The following KALRN variants were observed in gnomAD, a reference collection of about 807,000 sequenced individuals.
KALRN encodes the protein kalirin RhoGEF kinase.
A neutral mutation model predicts 353.7 loss-of-function variants in KALRN; 70 were observed. The ratio of observed to expected loss-of-function variants is 0.20; its 90% CI spans 0.16 to 0.24. The LOEUF is 0.24. KALRN is among the 10% of genes least tolerant of loss of function. The probability of loss-of-function intolerance (pLI) is 1.00; values close to 1 mark genes in which losing one functional copy is unlikely to be tolerated. For synonymous variants in KALRN, 1,391 were observed against 1,434.8 expected (o/e 0.97, Z 0.69); for missense variants, 2,791 against 3,756.7 (o/e 0.74, Z 6.72).
At chr3:124,573,134 G>A (rs1008777384) in intron 34 of KALRN, among the ~76,000 whole-genome samples, 10 of 152,272 alleles carry the variant, frequency 6.6e-5, no homozygotes, top group African/African-American at 1.7e-4. Flanking sequence ...GAAATAAGCC[G>A]GATGTGATCA....
chr3:124,111,936 T>G (rs2063015621), intron 1 of KALRN, among the ~76,000 whole-genome samples: 1 of 152,326 alleles, frequency 6.6e-6, no homozygotes, highest in East Asian at 1.9e-4. Context: ...ATGATTCCAC[T>G]GAATGAGCTG....
chr3:124,295,838 G>A (rs920693880), intron 5 of KALRN, among the ~76,000 whole-genome samples: 4 of 152,156 alleles, frequency 2.6e-5, no homozygotes, highest in Admixed American at 1.3e-4. Flanking sequence ...CTAAATTCCT[G>A]TCTTCTTTTC....
chr3:124,346,985 C>A (rs1454447847), intron 9 of KALRN, among the ~76,000 whole-genome samples, 158 bp from the exon 10 acceptor site: 1 of 152,112 alleles, frequency 6.6e-6, no homozygotes, highest in Non-Finnish European at 1.5e-5. Flanking sequence ...GTAATGAAAT[C>A]CCATGGACTC....
intron 3 of KALRN, among the ~76,000 whole-genome samples, chr3:124,256,511 A>C (rs557751587): frequency 1.3e-5 from 2 of 152,198 alleles, no homozygotes; most frequent in Non-Finnish European, 2.9e-5. Context: ...AACTTTACAG[A>C]CAACAACAAC....
At chr3:124,152,593 CTTTT>C (rs58613752) in intron 1 of KALRN, 184 of 56,436 alleles carry the variant, frequency 3.3e-3, no homozygotes, top group East Asian at 6.6e-3. Flanking sequence ...TTCTTTCTTT[CTTTT>C]TTTTTTTTTT....
chr3:124,442,022 C>A lies in KALRN; in HGVS notation c.3276C>A (p.Val1092=). ...IHRNNVSMPS[V]ASHTRGPEQQ... ...GGAACAACGTCAGCATGCCCAGTGTCGCCAGCCACACTCGGGGACCCGAGC... is the reference window on the plus strand; with the variant it reads ...GGAACAACGTCAGCATGCCCAGTGTAGCCAGCCACACTCGGGGACCCGAGC... Residue 1092 remains valine, a synonymous_variant, in exon 19 of 60, where the codon GTC becomes GTA. Coordinates refer to ENST00000682506, the MANE Select transcript of KALRN (RefSeq NM_001388419.1). 6.2e-7 allele frequency: 1 copy of A among 1,606,230 alleles called. No individual in the cohort carries two copies. The highest frequency in any genetic ancestry group is 8.5e-7 in the Non-Finnish European group (1 of 1,174,342).
intron 5 of KALRN, among the ~76,000 whole-genome samples, chr3:124,289,221 C>G (rs2076214695): frequency 6.6e-6 from 1 of 152,108 alleles, no homozygotes; most frequent in African/African-American, 2.4e-5. Flanking sequence ...TCCTAATTAC[C>G]TCCCAAAGGC....
intron 1 of KALRN, among the ~76,000 whole-genome samples, chr3:124,115,833 C>A (rs1185893383): frequency 6.6e-6 from 1 of 152,082 alleles, no homozygotes; most frequent in Non-Finnish European, 1.5e-5. Flanking sequence ...TCATAAATAC[C>A]AGAAGCTTCA....
chr3:124,719,127 T>C lies in KALRN; in HGVS notation c.8618T>C (p.Met2873Thr). 6.2e-7 allele frequency: 1 copy of C among 1,614,262 alleles called. No individual in the cohort carries two copies. The highest frequency in any genetic ancestry group is 8.5e-7 in the Non-Finnish European group (1 of 1,180,038). The part of the protein sequence containing the change: ...IWSIGVLTYV[M>T]LSGVSPFLDE... ...AGCATCGGGGTTCTGACATATGTCA[T>C]GCTGAGTGGGGTCTCCCCCTTCTTG... The change falls in exon 60 of 60, where the codon ATG becomes ACG. Residue 2873 changes from methionine to threonine, a missense_variant. By Grantham distance (81) the Met-to-Thr change is moderately conservative (BLOSUM62 -1). Coordinates refer to ENST00000682506, the MANE Select transcript of KALRN (RefSeq NM_001388419.1). This position sits in a 1 kb window ranked among gnomAD's most constrained non-coding sequence, Gnocchi z 5.3.
At chr3:124,586,843 G>A (rs1380403659) in intron 34 of KALRN, among the ~76,000 whole-genome samples, 1 of 152,180 alleles carries the variant, frequency 6.6e-6, no homozygotes, top group African/African-American at 2.4e-5. Flanking sequence ...GGTGGGGGAG[G>A]TGAGTTAGCC....
intron 15 of KALRN, among the ~76,000 whole-genome samples, chr3:124,428,104 G>C (rs1345243547): frequency 6.6e-6 from 1 of 152,058 alleles, no homozygotes; most frequent in East Asian, 1.9e-4. Context: ...ATATTTGTAT[G>C]CTCACAGAAG....
chr3:124,284,144 A>G (rs774923222), intron 5 of KALRN, among the ~76,000 whole-genome samples: 1 of 152,200 alleles, frequency 6.6e-6, no homozygotes, highest in Non-Finnish European at 1.5e-5. Context: ...TTTTTGTTCT[A>G]TGAGATCAAG....
intron 1 of KALRN, among the ~76,000 whole-genome samples, chr3:124,157,873 G>A (rs754527210): frequency 6.6e-6 from 1 of 152,152 alleles, no homozygotes; most frequent in African/African-American, 2.4e-5. Flanking sequence ...CCCTGCGAAT[G>A]CCCCTGGTCC....
Position 124,666,575 on chromosome 3 carries a change from A to G in KALRN, c.6472A>G (p.Ser2158Gly). Reference sequence around the variant, plus strand: ...CCTCTTCGAGCAGATTGTCATCTTCAGTGAACTGCTCAGGAAGGGATCCCT... The same window carrying G: ...CCTCTTCGAGCAGATTGTCATCTTCGGTGAACTGCTCAGGAAGGGATCCCT... ...VFLFEQIVIF[S>G]ELLRKGSLTP... is the part of the protein sequence containing the mutation. Residue 2158 changes from serine to glycine, a missense_variant, in exon 46 of 60, where the codon AGT (serine) becomes GGT (glycine). Coordinates refer to ENST00000682506, the MANE Select transcript of KALRN (RefSeq NM_001388419.1). The G allele has an allele frequency of 6.2e-7, 1 of 1,614,092 alleles. No individual in the cohort carries two copies. Among genetic ancestry groups the G allele is most frequent in the Non-Finnish European group, 8.5e-7 (1 of 1,179,952 alleles).
At chr3:124,268,704 A>G in intron 4 of KALRN, 39 bp from the exon 5 acceptor site, 2 of 1,603,320 alleles carry the variant, frequency 1.2e-6, no homozygotes, top group Non-Finnish European at 1.7e-6. Flanking sequence ...TCTTCCCCTG[A>G]CATCACTGAG....
At chr3:124,604,321 A>G (rs333243) in intron 34 of KALRN, among the ~76,000 whole-genome samples, 98,161 of 151,930 alleles carry the variant, frequency 0.65, 32,483 homozygotes, top group East Asian at 0.83. Flanking sequence ...TATGCCTTGG[A>G]TAGTGTATTC....
chr3:124,445,990 A>C (rs577910783), intron 19 of KALRN, among the ~76,000 whole-genome samples, 171 bp from the exon 20 acceptor site: 1 of 152,284 alleles, frequency 6.6e-6, no homozygotes, highest in South Asian at 2.1e-4. Flanking sequence ...GTTTCTAGGA[A>C]ATCCTTTCTG....
At chr3:124,548,572 T>C (rs570006087) in intron 33 of KALRN, among the ~76,000 whole-genome samples, 40 of 152,244 alleles carry the variant, frequency 2.6e-4, no homozygotes, top group Non-Finnish European at 5.1e-4. Context: ...GAGTATTCCA[T>C]GTGACCTCAG....
chr3:124,444,390 G>A (rs1316884878), intron 19 of KALRN, among the ~76,000 whole-genome samples: 2 of 152,214 alleles, frequency 1.3e-5, no homozygotes, highest in African/African-American at 4.8e-5. Flanking sequence ...GCTAAAGCAA[G>A]TTATGTAGCT....
Sources: allele counts gnomAD v4.1 joint callset (sites outside exome capture counted in the v4.1 genomes callset), GRCh38; gene constraint gnomAD v4.1.1; non-coding constraint Gnocchi (gnomAD v3.1); transcripts MANE v1.5; gene names NCBI Gene and HGNC (gene_info 2026-07-23, HGNC 2026-07-21).